The following MATR3 variants were observed in gnomAD, a reference collection of about 807,000 sequenced individuals.
MATR3 encodes the protein matrin-3.
MATR3 carries 4 observed loss-of-function variants against 85.5 expected under a neutral mutation model. The ratio of observed to expected loss-of-function variants is 0.05; its 90% confidence interval spans 0.02 to 0.11. MATR3 has a LOEUF of 0.11. Among genes scored for constraint, MATR3 ranks in the 10% least tolerant of loss-of-function variants. The pLI, the probability that MATR3 is intolerant of heterozygous loss-of-function variation, is 1.00. For missense variants in MATR3, 685 were observed against 1,016.1 expected (o/e 0.67, Z 4.43); for synonymous variants, 336 against 343.1 (o/e 0.98, Z 0.23).
At chr5:139,303,243 A>G (rs1189175102) in intron 1 of MATR3, among the ~76,000 whole-genome samples, 1 of 152,136 alleles carries the variant, frequency 6.6e-6, no homozygotes, top group Non-Finnish European at 1.5e-5. Flanking sequence ...GTGGGACTAC[A>G]GGTGCGTGCC....
chr5:139,316,899 A>G (rs753305622), intron 5 of MATR3, among the ~76,000 whole-genome samples, 154 bp from the exon 6 acceptor site: 2 of 152,230 alleles, frequency 1.3e-5, no homozygotes, highest in Non-Finnish European at 2.9e-5. Flanking sequence ...TCATTCAAAT[A>G]TTACACAGAA....
At chr5:139,327,424 TTTA>T (rs1211221067) in intron 14 of MATR3, among the ~76,000 whole-genome samples, 9 of 152,084 alleles carry the variant, frequency 5.9e-5, no homozygotes, top group Non-Finnish European at 1.3e-4. Flanking sequence ...TACAAATTAT[TTTA>T]TTTTATTTTT....
intron 1 of MATR3, among the ~76,000 whole-genome samples, chr5:139,302,975 A>C (rs1186075142): frequency 6.6e-6 from 1 of 151,242 alleles, no homozygotes; most frequent in African/African-American, 2.4e-5. Flanking sequence ...TTTTTCCCTG[A>C]GTATCTCTAG....
rs1346454618 is a variant in MATR3 at position 139,331,227 on chromosome 5, G to A, written c.*1832G>A. The A allele has an allele frequency of 4.4e-6, 2 of 453,988 alleles. No individual in the cohort carries two copies. The highest frequency in any genetic ancestry group is 2.3e-5 in the Admixed American group (1 of 42,556). 28.1% of individuals were successfully genotyped at this position (453,988 alleles called of 1,614,324 possible). A position where few individuals can be genotyped will look rare whatever the true frequency, so the allele number is the denominator to read the frequency against. Reference sequence around the variant, plus strand: ...TATGATCTCTCCCGTTGAAAAGTAGGTGATGATTTTAATGTGACATGCACA... The same window carrying A: ...TATGATCTCTCCCGTTGAAAAGTAGATGATGATTTTAATGTGACATGCACA... On this transcript the variant is annotated 3_prime_UTR_variant, in exon 15 of 15. Coordinates refer to ENST00000394805, the MANE Select transcript of MATR3 (RefSeq NM_018834.6).
rs1164905859 is a variant in MATR3, at chr5:139,330,082, T to A, written c.*687T>A. 2.2e-6 allele frequency: 1 copy of A among 454,532 alleles called. No individual in the cohort carries two copies. The highest frequency in any genetic ancestry group is 2.3e-5 in the Admixed American group (1 of 42,570). 28.2% of individuals were successfully genotyped at this position (454,532 alleles called of 1,614,324 possible). ...AAATATTCCCGTTATCTTTGACCAG[T>A]ATTAATTTTTGAGATCTTACTGCTT... On this transcript the variant is annotated 3_prime_UTR_variant, in exon 15 of 15. Transcript: ENST00000394805.
Position 139,325,667 on chromosome 5 carries a change from G to GAAAT in MATR3, c.2371+6_2371+7insAATA, listed in dbSNP as rs1755819367. 1 of 1,574,672 alleles carries GAAAT rather than the reference G, an allele frequency of 6.4e-7. No homozygotes were observed. The highest frequency in any genetic ancestry group is 8.7e-7 in the Non-Finnish European group (1 of 1,148,272). On this transcript the variant is annotated splice_donor_region_variant and intron_variant, in intron 13 of 14. Coordinates refer to ENST00000394805, the MANE Select transcript of MATR3 (RefSeq NM_018834.6). ...ATCAGCCCAATGTTCCTGTTGGTGA[G>GAAAT]ATTTAAGTCTTTGTTCTTCACCTTC...
chr5:139,323,015 C>G (rs1289791322), intron 12 of MATR3, 48 bp downstream of exon 12: 1 of 1,561,376 alleles, frequency 6.4e-7, no homozygotes, highest in Non-Finnish European at 8.7e-7. Flanking sequence ...TAGATCAGAT[C>G]AGTATTTCAA....
At chr5:139,274,597 G>A (rs1395902825) in intron 1 of MATR3, among the ~76,000 whole-genome samples, 2 of 152,168 alleles carry the variant, frequency 1.3e-5, no homozygotes, top group Admixed American at 6.5e-5. Context: ...AGTGAAATTT[G>A]GGGATGGCTG....
At position 139,277,159 on chromosome 5, in the gene MATR3, A is replaced by G. The variant is rs544998049; in HGVS notation, c.-257+1009A>G. Among the ~76,000 whole-genome samples the G allele has an allele frequency of 1.9e-4, 28 of 147,274 alleles. No individual in the cohort carries two copies. The Middle Eastern group carries it at 0.01, about 54-fold the overall frequency. ...TAATTTTTTTTTTTTTAATTTGTAG[A>G]GACAAAGTCTCATTATGTTGCCCAG... On this transcript the variant is annotated intron_variant, in intron 2 of 16. Coordinates refer to ENST00000509990, the Ensembl canonical transcript of MATR3.
Position 139,308,042 on chromosome 5 carries a change from A to G in MATR3, c.627A>G (p.Gln209=). Residue 209 remains glutamine (Q), a synonymous_variant, in exon 2 of 15, where the codon CAA becomes CAG. Coordinates refer to ENST00000394805, the MANE Select transcript of MATR3 (RefSeq NM_018834.6). ...VLDYDHGSRS[Q]ESGYYDRMDY... is the part of the protein sequence containing the mutation. ...ATTATGACCATGGAAGTCGTTCTCA[A>G]GAATCTGGTTATTATGACAGAATGG... is the stretch of plus-strand genomic sequence containing the variant. The G allele has an allele frequency of 6.2e-7, 1 of 1,614,210 alleles. No individual in the cohort carries two copies. The highest frequency in any genetic ancestry group is 2.2e-5 in the East Asian group (1 of 44,882).
chr5:139,325,369 A>T (rs1166921438), intron 12 of MATR3, 71 bp from the exon 13 acceptor site: 5 of 1,607,768 alleles, frequency 3.1e-6, no homozygotes, highest in Admixed American at 3.4e-5. Flanking sequence ...TCGGAACTTC[A>T]GAAACTTCGT....
chr5:139,283,019 C>T (rs1753586689), intron 3 of MATR3: 1 of 152,220 alleles, frequency 6.6e-6, no homozygotes, highest in South Asian at 2.1e-4. Context: ...TCAAAACATT[C>T]CATTTTTATT....
rs202056598 is a variant in MATR3, at chr5:139,295,604, ATACTAAT to A, written c.-178+1801_-178+1807del. On this transcript the variant is annotated intron_variant, in intron 1 of 14. Coordinates refer to ENST00000394805, the MANE Select transcript of MATR3 (RefSeq NM_018834.6). ...TGTGCATTTGTTTTAGTCTTTAAAC[ATACTAAT>A]TTTTTTACTAATGCTTTTAGAGTTT... Among the ~76,000 whole-genome samples the A allele has an allele frequency of 2.8e-4, 43 of 152,358 alleles. No homozygotes were observed. The East Asian group carries it at 7.7e-3, about 27-fold the overall frequency.
chr5:139,275,140 T>A (rs1753221570), intron 1 of MATR3, among the ~76,000 whole-genome samples: 2 of 87,178 alleles, frequency 2.3e-5, no homozygotes, highest in South Asian at 9.7e-4. Flanking sequence ...CACGCCCGGC[T>A]AATTTTTTTT....
chr5:139,324,611 G>A (rs1755751022), intron 12 of MATR3, among the ~76,000 whole-genome samples: 1 of 151,996 alleles, frequency 6.6e-6, no homozygotes, highest in East Asian at 1.9e-4. Context: ...TGGTTTTTTA[G>A]CCATTACACT....
intron 14 of MATR3, among the ~76,000 whole-genome samples, chr5:139,328,931 G>A (rs1293714430): frequency 6.6e-6 from 1 of 152,016 alleles, no homozygotes; most frequent in Non-Finnish European, 1.5e-5. Context: ...CTTGAACCTG[G>A]GAGGTGGAGG....
At chr5:139,315,999 T>A (rs750297788) in intron 4 of MATR3, 77 bp from the exon 5 acceptor site, 1 of 1,088,380 alleles carries the variant, frequency 9.2e-7, no homozygotes, top group Non-Finnish European at 1.4e-6. Flanking sequence ...TATATTGGGG[T>A]GCTTTAACAT....
At chr5:139,299,146 C>T (rs1209249734) in intron 1 of MATR3, among the ~76,000 whole-genome samples, 11 of 151,716 alleles carry the variant, frequency 7.3e-5, no homozygotes, top group Non-Finnish European at 1.5e-4. Flanking sequence ...TTTTTATATA[C>T]ACTGGTTTGT....
chr5:139,288,506 G>T (rs754362542), intron 3 of MATR3, among the ~76,000 whole-genome samples: 2 of 152,202 alleles, frequency 1.3e-5, no homozygotes, highest in Non-Finnish European at 2.9e-5. Flanking sequence ...TTGAGAACAA[G>T]ATCAGTTGGA....
Sources: allele counts gnomAD v4.1 joint callset (sites outside exome capture counted in the v4.1 genomes callset), GRCh38; gene constraint gnomAD v4.1.1; transcripts MANE v1.5; gene names NCBI Gene and HGNC (gene_info 2026-07-23, HGNC 2026-07-21).